Variants in GABRA3 observed in about 807,000 individuals in gnomAD.
The protein encoded by GABRA3 is gamma-aminobutyric acid receptor subunit alpha-3.
GABRA3 carries 10 observed loss-of-function variants against 30.1 expected under a neutral mutation model. The ratio of observed to expected loss-of-function variants is 0.33; its 90% confidence interval spans 0.20 to 0.56. GABRA3 has a LOEUF of 0.56. Among genes scored for constraint, GABRA3 ranks in the 20% least tolerant of loss-of-function variants. GABRA3 has a pLI of 0.89. For missense variants in GABRA3, 233 were observed against 392.0 expected (o/e 0.59, Z 3.42); for synonymous variants, 151 against 146.8 (o/e 1.03, Z -0.21).
At chrX:152,389,217 G>A (rs2067056960) in intron 1 of GABRA3, 1 of 112,118 alleles carries the variant, frequency 8.9e-6, no homozygotes, top group African/African-American at 3.2e-5. Context: ...AGATCAAGAA[G>A]ACCATAGCAC....
At chrX:152,253,302 T>C (rs754491266) in intron 5 of GABRA3, among the ~76,000 whole-genome samples, 2 of 110,960 alleles carry the variant, frequency 1.8e-5, no homozygotes, top group Non-Finnish European at 3.8e-5. Context: ...ATCTCTACAT[T>C]GTATCTCTCT....
At chrX:152,381,123 C>T (rs1929132447) in intron 1 of GABRA3, among the ~76,000 whole-genome samples, 1 of 111,982 alleles carries the variant, frequency 8.9e-6, no homozygotes, top group East Asian at 2.8e-4. Context: ...TTCAGCACAA[C>T]ACAAAAGCCC....
intron 9 of GABRA3, among the ~76,000 whole-genome samples, chrX:152,169,940 T>C (rs111905358): frequency 2.0e-3 from 224 of 111,852 alleles, no homozygotes; most frequent in African/African-American, 6.6e-3. Context: ...CCCATCATTC[T>C]TATTTTTTCT....
At chrX:152,383,244 C>A (rs770796358) in intron 1 of GABRA3, among the ~76,000 whole-genome samples, 2 of 107,582 alleles carry the variant, frequency 1.9e-5, no homozygotes, top group East Asian at 5.9e-4. Context: ...AAAAAATTAG[C>A]CGGGTGTGGT....
chrX:152,318,027 C>G (rs756060951), intron 3 of GABRA3, among the ~76,000 whole-genome samples: 211 of 111,161 alleles, frequency 1.9e-3, no homozygotes, highest in African/African-American at 6.4e-3. Flanking sequence ...AAACAAAAAG[C>G]CTGTTCTTTG....
intron 5 of GABRA3, among the ~76,000 whole-genome samples, chrX:152,231,141 G>GTATA (rs79879261): frequency 2.1e-3 from 219 of 102,249 alleles, no homozygotes; most frequent in African/African-American, 6.1e-3. Flanking sequence ...AATGAGAAGT[G>GTATA]TATATATATA....
At chrX:152,182,952 T>C (rs1937204691) in intron 9 of GABRA3, among the ~76,000 whole-genome samples, 1 of 103,384 alleles carries the variant, frequency 9.7e-6, no homozygotes, top group Non-Finnish European at 2.0e-5. Context: ...ACTGTTAACT[T>C]TGGTTTGCTA....
intron 4 of GABRA3, among the ~76,000 whole-genome samples, chrX:152,263,441 G>A (rs767513244): frequency 1.8e-5 from 2 of 110,220 alleles, no homozygotes; most frequent in African/African-American, 6.6e-5. Flanking sequence ...ACTGGAGAAT[G>A]CATCAGAGTC....
intron 5 of GABRA3, among the ~76,000 whole-genome samples, chrX:152,229,657 G>A (rs1938029580): frequency 9.1e-6 from 1 of 109,983 alleles, no homozygotes; most frequent in African/African-American, 3.3e-5. Flanking sequence ...GTCTTGTAGA[G>A]ATCAAGGGGA....
At chrX:152,182,434 G>T (rs1603200450) in intron 9 of GABRA3, among the ~76,000 whole-genome samples, 1 of 82,486 alleles carries the variant, frequency 1.2e-5, no homozygotes. Flanking sequence ...ACTATATATA[G>T]TATGTATACA....
At chrX:152,345,327 G>A (rs1002936755) in intron 3 of GABRA3, among the ~76,000 whole-genome samples, 2 of 111,560 alleles carry the variant, frequency 1.8e-5, no homozygotes, top group African/African-American at 6.5e-5. Context: ...TCAAACCATT[G>A]TGAGTCATGG....
Position 152,400,901 on chromosome X carries a change from G to T in GABRA3, c.-26-36305C>A, listed in dbSNP as rs191047410. Among the ~76,000 whole-genome samples, 55 of 111,414 alleles carry T rather than the reference G, an allele frequency of 4.9e-4. No individual in the cohort carries two copies. The East Asian group carries it at 0.014, about 28-fold the overall frequency. On this transcript the variant is annotated intron_variant, in intron 1 of 9. Transcript: ENST00000370314. ...TAGGTGACCTCTAAGAGCTGATAAA[G>T]AAAACTCTGGCCAACAGCCAGCAAG...
intron 4 of GABRA3, among the ~76,000 whole-genome samples, chrX:152,280,150 T>C (rs1939172992): frequency 9.0e-6 from 1 of 111,383 alleles, no homozygotes; most frequent in Non-Finnish European, 1.9e-5. Context: ...AACACTATGT[T>C]GAACAGGAGT....
intron 1 of GABRA3, among the ~76,000 whole-genome samples, chrX:152,424,123 T>C: frequency 9.0e-6 from 1 of 110,926 alleles, no homozygotes; most frequent in South Asian, 3.8e-4. Context: ...ATTAATTTTC[T>C]CTAGATCCCA....
intron 5 of GABRA3, among the ~76,000 whole-genome samples, chrX:152,228,324 T>A (rs1474234844): frequency 8.9e-6 from 1 of 111,987 alleles, no homozygotes; most frequent in Non-Finnish European, 1.9e-5. Context: ...ATTTGCTTTT[T>A]CTGTCTCCTC....
chrX:152,278,700 A>G (rs1467813888), intron 4 of GABRA3, among the ~76,000 whole-genome samples: 2 of 111,699 alleles, frequency 1.8e-5, no homozygotes, highest in Non-Finnish European at 1.9e-5. Context: ...CTTCCGCAAT[A>G]GTTGAACTAG....
chrX:152,310,704 C>G (rs1188795067), intron 3 of GABRA3, among the ~76,000 whole-genome samples: 1 of 109,910 alleles, frequency 9.1e-6, no homozygotes, highest in Non-Finnish European at 1.9e-5. Flanking sequence ...AAAACAATAA[C>G]CAAAATCAGA....
At chrX:152,425,761 G>A (rs1345344163) in intron 1 of GABRA3, among the ~76,000 whole-genome samples, 1 of 110,084 alleles carries the variant, frequency 9.1e-6, no homozygotes, top group African/African-American at 3.3e-5. Flanking sequence ...GAGGAGAGCT[G>A]TCCTTATCTG....
intron 9 of GABRA3, among the ~76,000 whole-genome samples, chrX:152,183,423 A>AT (rs1344379872): frequency 1.9e-5 from 2 of 105,282 alleles, no homozygotes; most frequent in Non-Finnish European, 3.9e-5. Flanking sequence ...TTCATTTTTT[A>AT]TTTTTTGTAT....
Sources: allele counts gnomAD v4.1 joint callset (sites outside exome capture counted in the v4.1 genomes callset), GRCh38; gene constraint gnomAD v4.1.1; transcripts MANE v1.5; gene names NCBI Gene and HGNC (gene_info 2026-07-23, HGNC 2026-07-21).